Variants in DLG2 observed in about 807,000 individuals in gnomAD.
The protein encoded by DLG2 is discs large MAGUK scaffold protein 2.
A neutral mutation model predicts 132.5 loss-of-function variants in DLG2; 45 were observed. That is an observed-to-expected ratio of 0.34 (90% CI 0.27 to 0.44). The LOEUF (loss-of-function observed/expected upper bound fraction) is 0.44. Ranked by LOEUF, DLG2 falls within the 20% of genes least tolerant of loss-of-function variation. The pLI is 1.00. For synonymous variants in DLG2, 424 were observed against 419.6 expected, an observed-to-expected ratio of 1.01 and a Z score of -0.13; for missense variants, 1,045 against 1,196.9, an observed-to-expected ratio of 0.87 and a Z score of 1.87.
chr11:85,006,284 A>T (rs993449276), intron 6 of DLG2, among the ~76,000 whole-genome samples: 13 of 152,186 alleles, frequency 8.5e-5, no homozygotes, highest in African/African-American at 3.1e-4. Context: ...ATTGTTTGGA[A>T]TAGTTTCAGA....
intron 6 of DLG2, among the ~76,000 whole-genome samples, chr11:85,033,489 A>G (rs1395811372): frequency 1.3e-5 from 2 of 152,124 alleles, no homozygotes; most frequent in South Asian, 2.1e-4. Flanking sequence ...AAGATTTTAT[A>G]TGGTTCAAGC....
At chr11:84,955,422 G>A (rs747139653) in intron 6 of DLG2, 1 of 152,174 alleles carries the variant, frequency 6.6e-6, no homozygotes, top group South Asian at 2.1e-4. Flanking sequence ...AAACCTCAGA[G>A]TTGGACCTCA....
intron 6 of DLG2, among the ~76,000 whole-genome samples, chr11:84,704,373 C>T (rs2059562256): frequency 6.6e-6 from 1 of 151,444 alleles, no homozygotes; most frequent in South Asian, 2.1e-4. Context: ...CAGAGTTTGG[C>T]AGACTTGAGT....
At chr11:84,654,502 C>G (rs937459556) in intron 6 of DLG2, among the ~76,000 whole-genome samples, 5 of 152,134 alleles carry the variant, frequency 3.3e-5, no homozygotes, top group African/African-American at 1.2e-4. Flanking sequence ...AGCTTCTTCA[C>G]AGGATCATTA....
At chr11:83,786,896 G>T in intron 17 of DLG2, 104 bp from the exon 18 acceptor site, 1 of 846,454 alleles carries the variant, frequency 1.2e-6, no homozygotes, top group Non-Finnish European at 1.9e-6. Context: ...TATATCACAT[G>T]CCTCAGAAAC....
intron 3 of DLG2, among the ~76,000 whole-genome samples, chr11:85,494,313 A>G (rs1302330014): frequency 1.3e-5 from 2 of 152,206 alleles, no homozygotes; most frequent in African/African-American, 4.8e-5. Context: ...AAGGTAGAAA[A>G]TAATTAAAGC....
At chr11:85,346,175 A>C (rs1391011397) in intron 3 of DLG2, among the ~76,000 whole-genome samples, 1 of 151,478 alleles carries the variant, frequency 6.6e-6, no homozygotes, top group African/African-American at 2.4e-5. Flanking sequence ...GTGATAAAGG[A>C]TTAATTTTCT....
intron 18 of DLG2, among the ~76,000 whole-genome samples, chr11:83,737,606 A>G (rs1456497357): frequency 6.6e-6 from 1 of 152,220 alleles, no homozygotes; most frequent in Non-Finnish European, 1.5e-5. Flanking sequence ...AGCAAATAGA[A>G]CTATATGCTT....
intron 6 of DLG2, among the ~76,000 whole-genome samples, chr11:84,706,532 G>T (rs2059799547): frequency 6.6e-6 from 1 of 151,734 alleles, no homozygotes; most frequent in South Asian, 2.1e-4. Context: ...TAGGTAATAA[G>T]GATCTTCAAA....
chr11:85,601,423 C>T (rs2080149937), intron 2 of DLG2, among the ~76,000 whole-genome samples: 1 of 151,972 alleles, frequency 6.6e-6, no homozygotes, highest in African/African-American at 2.4e-5. Flanking sequence ...TCACTGCAAC[C>T]TCCGCCTTCT....
At chr11:85,468,618 G>A (rs544728306) in intron 3 of DLG2, among the ~76,000 whole-genome samples, 18 of 152,266 alleles carry the variant, frequency 1.2e-4, no homozygotes, top group African/African-American at 2.4e-4. Context: ...GTAGTTGAGC[G>A]GTTTTGAGTG....
At chr11:84,714,639 CTCTCTCTT>C (rs2060969656) in intron 6 of DLG2, among the ~76,000 whole-genome samples, 12 of 141,496 alleles carry the variant, frequency 8.5e-5, no homozygotes, top group African/African-American at 2.5e-4. Flanking sequence ...CTCTCTCTCT[CTCTCTCTT>C]TCTCTCTCTC....
intron 7 of DLG2, among the ~76,000 whole-genome samples, chr11:84,523,122 C>G (rs913640563): frequency 6.6e-6 from 1 of 152,152 alleles, no homozygotes; most frequent in Admixed American, 6.5e-5. Context: ...CCAATCATTA[C>G]TGAGAGCTCA....
chr11:83,756,497 T>C (rs1202527547), intron 18 of DLG2, among the ~76,000 whole-genome samples: 9 of 151,482 alleles, frequency 5.9e-5, no homozygotes. Context: ...AAGTCCTGGC[T>C]CTAAGGCCAG....
intron 16 of DLG2, among the ~76,000 whole-genome samples, chr11:83,868,754 G>C (rs935409841): frequency 6.6e-6 from 1 of 152,042 alleles, no homozygotes; most frequent in Non-Finnish European, 1.5e-5. Flanking sequence ...GTTTCAAAGA[G>C]CACTTCCATA....
chr11:83,970,503 C>G (rs2091123024), intron 12 of DLG2, among the ~76,000 whole-genome samples: 1 of 152,132 alleles, frequency 6.6e-6, no homozygotes, highest in Admixed American at 6.5e-5. Flanking sequence ...ATTTCAGTCA[C>G]AGAACAGGTG....
chr11:83,746,566 A>G (rs1016220624), intron 18 of DLG2, among the ~76,000 whole-genome samples: 2 of 150,416 alleles, frequency 1.3e-5, no homozygotes, highest in Admixed American at 1.3e-4. Flanking sequence ...ATCACACATC[A>G]GGGCCTGTTG....
intron 15 of DLG2, among the ~76,000 whole-genome samples, chr11:83,881,291 T>A (rs2066197480): frequency 6.6e-6 from 1 of 152,168 alleles, no homozygotes; most frequent in African/African-American, 2.4e-5. Context: ...ATTTGTGACC[T>A]CAAATGATTA....
intron 4 of DLG2, among the ~76,000 whole-genome samples, chr11:85,212,296 CCACT>C (rs1304871230): frequency 6.6e-6 from 1 of 152,046 alleles, no homozygotes; most frequent in Non-Finnish European, 1.5e-5. Flanking sequence ...CCTCTGATTT[CCACT>C]CACTCCCTCT....
Sources: allele counts gnomAD v4.1 joint callset (sites outside exome capture counted in the v4.1 genomes callset), GRCh38; gene constraint gnomAD v4.1.1; transcripts MANE v1.5; gene names NCBI Gene and HGNC (gene_info 2026-07-23, HGNC 2026-07-21).